Variants in TRIO observed in about 807,000 individuals in gnomAD.
TRIO encodes triple functional domain protein.
Under a neutral mutation model 351.9 loss-of-function variants are expected in TRIO, and 58 were observed. That is an observed-to-expected ratio of 0.16 (90% CI 0.13 to 0.21). TRIO has a LOEUF of 0.21. Ranked by LOEUF, TRIO falls within the 10% of genes least tolerant of loss-of-function variation. The pLI is 1.00. For synonymous variants in TRIO, 1,758 were observed against 1,595.7 expected (o/e 1.10, Z -2.42); for missense variants, 3,201 against 4,027.8 (o/e 0.79, Z 5.56).
At chr5:14,211,200 T>A (rs1207798857) in intron 1 of TRIO, among the ~76,000 whole-genome samples, 1 of 152,238 alleles carries the variant, frequency 6.6e-6, no homozygotes, top group Non-Finnish European at 1.5e-5. Context: ...CCAAAATCAT[T>A]TCCTCAAAAA....
chr5:14,370,645 T>C (rs571665135), intron 18 of TRIO, among the ~76,000 whole-genome samples: 39 of 152,298 alleles, frequency 2.6e-4, no homozygotes, highest in African/African-American at 7.5e-4. Flanking sequence ...GTAACTTACT[T>C]TGTGCTCCCA....
chr5:14,341,066 T>G (rs1193612250), intron 11 of TRIO, among the ~76,000 whole-genome samples: 1 of 152,232 alleles, frequency 6.6e-6, no homozygotes, highest in Non-Finnish European at 1.5e-5. Flanking sequence ...GAATGTTGAT[T>G]GGCCTGACAT....
intron 1 of TRIO, among the ~76,000 whole-genome samples, chr5:14,180,824 C>A (rs537632771): frequency 6.8e-6 from 1 of 146,734 alleles, no homozygotes; most frequent in Non-Finnish European, 1.5e-5. Context: ...AGTGAGTGGT[C>A]CCATGTCCCC....
At chr5:14,414,876 G>A (rs1306866767) in intron 33 of TRIO, among the ~76,000 whole-genome samples, 2 of 152,202 alleles carry the variant, frequency 1.3e-5, no homozygotes, top group Non-Finnish European at 2.9e-5. Flanking sequence ...TCTCCGTGAA[G>A]TTGCCCTGTG....
chr5:14,507,797 C>G (rs1349354599), intron 56 of TRIO, 83 bp from the exon 57 acceptor site: 20 of 1,503,384 alleles, frequency 1.3e-5, no homozygotes, highest in Non-Finnish European at 1.8e-5. Flanking sequence ...ATTCCTTCCA[C>G]CTCACCATAG....
intron 2 of TRIO, among the ~76,000 whole-genome samples, chr5:14,276,482 T>A (rs1437395594): frequency 6.6e-6 from 1 of 152,250 alleles, no homozygotes; most frequent in African/African-American, 2.4e-5. Flanking sequence ...TTAACAGAGT[T>A]GTATTATTTT....
intron 7 of TRIO, among the ~76,000 whole-genome samples, chr5:14,303,083 T>C (rs564591814): frequency 7.0e-6 from 1 of 142,644 alleles, no homozygotes; most frequent in South Asian, 2.3e-4. Context: ...GTGGAGGAGA[T>C]TGAGCCGGGA....
intron 14 of TRIO, among the ~76,000 whole-genome samples, chr5:14,364,378 C>CAA (rs113176817): frequency 5.3e-5 from 8 of 151,964 alleles, no homozygotes; most frequent in African/African-American, 1.2e-4. Flanking sequence ...AGGATAACAA[C>CAA]AAAAAAAACC....
At chr5:14,413,859 A>C (rs1749408637) in intron 33 of TRIO, among the ~76,000 whole-genome samples, 1 of 152,320 alleles carries the variant, frequency 6.6e-6, no homozygotes, top group Admixed American at 6.5e-5. Context: ...TGATAAAGTT[A>C]TGTTTCAGAC....
intron 1 of TRIO, among the ~76,000 whole-genome samples, chr5:14,186,103 A>G (rs1350779865): frequency 1.3e-5 from 2 of 152,190 alleles, no homozygotes; most frequent in Non-Finnish European, 2.9e-5. Flanking sequence ...GATTCATGGG[A>G]CTATGCTGGA....
At chr5:14,195,893 G>A (rs377715441) in intron 1 of TRIO, among the ~76,000 whole-genome samples, 2 of 152,216 alleles carry the variant, frequency 1.3e-5, no homozygotes, top group East Asian at 1.9e-4. Flanking sequence ...CTTTCAGTGT[G>A]GGGGTGGGGA....
chr5:14,241,292 CTGA>C (rs1794112284), intron 1 of TRIO, among the ~76,000 whole-genome samples: 1 of 152,074 alleles, frequency 6.6e-6, no homozygotes, highest in South Asian at 2.1e-4. Context: ...ATGAATCTGC[CTGA>C]TGATTTCATA....
intron 11 of TRIO, among the ~76,000 whole-genome samples, chr5:14,354,093 G>A (rs921334266): frequency 3.9e-5 from 6 of 152,174 alleles, no homozygotes; most frequent in East Asian, 1.9e-4. Context: ...AGACATCCCC[G>A]AGCTTCGGCT....
At chr5:14,189,917 T>C (rs1205382864) in intron 1 of TRIO, among the ~76,000 whole-genome samples, 1 of 152,096 alleles carries the variant, frequency 6.6e-6, no homozygotes, top group Admixed American at 6.5e-5. Context: ...AGATGGGGTC[T>C]TGCTGTGTTG....
At chr5:14,378,564 C>CT (rs547273633) in intron 20 of TRIO, among the ~76,000 whole-genome samples, 14,845 of 144,444 alleles carry the variant, frequency 0.1, 1,096 homozygotes, top group African/African-American at 0.22. Flanking sequence ...TTTTCTGTTT[C>CT]TTTTTTTTTT....
At chr5:14,188,765 C>A (rs1790284349) in intron 1 of TRIO, among the ~76,000 whole-genome samples, 1 of 152,124 alleles carries the variant, frequency 6.6e-6, no homozygotes, top group Non-Finnish European at 1.5e-5. Flanking sequence ...CACTATAATT[C>A]TTCATTAATT....
At chr5:14,419,716 G>A (rs1749954269) in intron 33 of TRIO, 62 bp from the exon 34 acceptor site, 5 of 1,587,798 alleles carry the variant, frequency 3.1e-6, no homozygotes, top group Admixed American at 3.4e-5. Flanking sequence ...CTTCCCAGCT[G>A]TACCTGAAGG....
intron 36 of TRIO, among the ~76,000 whole-genome samples, chr5:14,463,336 G>A (rs939231967): frequency 6.6e-6 from 1 of 152,180 alleles, no homozygotes; most frequent in East Asian, 1.9e-4. Flanking sequence ...TTGCATGCAG[G>A]TTTCTGGTTT....
chr5:14,473,406 C>CG (rs1445277765), intron 39 of TRIO, among the ~76,000 whole-genome samples: 1 of 152,186 alleles, frequency 6.6e-6, no homozygotes, highest in East Asian at 1.9e-4. Flanking sequence ...TTGCATAACA[C>CG]AAAAGATTTA....
Sources: allele counts gnomAD v4.1 joint callset (sites outside exome capture counted in the v4.1 genomes callset), GRCh38; gene constraint gnomAD v4.1.1; transcripts MANE v1.5; gene names NCBI Gene and HGNC (gene_info 2026-07-23, HGNC 2026-07-21).